Variants in PPEF1 observed in about 807,000 individuals in gnomAD.
PPEF1 encodes serine/threonine-protein phosphatase with EF-hands 1.
In PPEF1, 12 loss-of-function variants were observed where a neutral mutation model predicts 53.3. That is an observed-to-expected ratio of 0.23 (90% CI 0.14 to 0.36). The LOEUF (loss-of-function observed/expected upper bound fraction) is 0.36, where lower values mean the gene tolerates loss of function less well. PPEF1 is among the 10% of genes least tolerant of loss of function. The pLI, the probability that PPEF1 is intolerant of heterozygous loss-of-function variation, is 1.00. For missense variants in PPEF1, 334 were observed against 490.4 expected (o/e 0.68, Z 3.01); for synonymous variants, 165 against 176.7 (o/e 0.93, Z 0.52).
intron 4 of PPEF1, among the ~76,000 whole-genome samples, chrX:18,753,619 G>A (rs1385313574): frequency 1.8e-5 from 2 of 111,662 alleles, no homozygotes; most frequent in South Asian, 7.3e-4. Flanking sequence ...TGCTTTTGCT[G>A]TATCCCATAA....
At chrX:18,686,034 G>C (rs1157940723) in intron 2 of PPEF1, 1 of 111,778 alleles carries the variant, frequency 8.9e-6, no homozygotes, top group Non-Finnish European at 1.9e-5. Flanking sequence ...ATATGGTGCT[G>C]GATTATAGAT....
chrX:18,809,444 G>A (rs951716884), intron 12 of PPEF1, among the ~76,000 whole-genome samples: 26 of 110,714 alleles, frequency 2.3e-4, no homozygotes, highest in African/African-American at 8.5e-4. Context: ...AGTGGCTCAC[G>A]CTTGTAGTCC....
chrX:18,701,102 A>G (rs1212178825), intron 6 of PPEF1, among the ~76,000 whole-genome samples: 1 of 112,261 alleles, frequency 8.9e-6, no homozygotes, highest in African/African-American at 3.2e-5. Flanking sequence ...CTACCTTGAA[A>G]GTTTGCTGTG....
chrX:18,796,287 G>A (rs1006228175), intron 10 of PPEF1, among the ~76,000 whole-genome samples: 1 of 112,424 alleles, frequency 8.9e-6, no homozygotes, highest in African/African-American at 3.2e-5. Context: ...TCTTACATGG[G>A]AATGTTATGA....
chrX:18,715,135 G>A (rs1288387136), intron 1 of PPEF1, among the ~76,000 whole-genome samples: 3 of 111,889 alleles, frequency 2.7e-5, no homozygotes, highest in Admixed American at 1.9e-4. Flanking sequence ...CACTTTGAGA[G>A]GCGGGTGAAT....
chrX:18,700,672 G>T (rs1930048649), intron 6 of PPEF1, among the ~76,000 whole-genome samples: 1 of 111,779 alleles, frequency 8.9e-6, no homozygotes, highest in South Asian at 3.7e-4. Context: ...AAATGAACTT[G>T]ATATTTGGAA....
chrX:18,795,299 G>A (rs1264643756), intron 10 of PPEF1, among the ~76,000 whole-genome samples: 1 of 112,184 alleles, frequency 8.9e-6, no homozygotes, highest in African/African-American at 3.2e-5. Flanking sequence ...GACAGAGTGG[G>A]ACCCTGTCTT....
At chrX:18,732,044 G>T (rs1442218891) in intron 2 of PPEF1, among the ~76,000 whole-genome samples, 1 of 112,260 alleles carries the variant, frequency 8.9e-6, no homozygotes, top group Non-Finnish European at 1.9e-5. Context: ...GTGCCACCAC[G>T]CCCAGCTAAT....
At chrX:18,734,263 T>G (rs1252945965) in intron 3 of PPEF1, among the ~76,000 whole-genome samples, 1 of 103,882 alleles carries the variant, frequency 9.6e-6, no homozygotes, top group African/African-American at 3.5e-5. Flanking sequence ...GTACTCCTAA[T>G]GCTATCCCTC....
chrX:18,826,192 T>A (rs769176551), intron 15 of PPEF1, among the ~76,000 whole-genome samples: 33 of 111,167 alleles, frequency 3.0e-4, no homozygotes, highest in African/African-American at 1.1e-3. Context: ...TTTAATATTA[T>A]TGTTATTTCA....
chrX:18,713,590 C>T lies in PPEF1; in HGVS notation c.46+5764C>T, dbSNP rs114688315. On this transcript the variant is annotated intron_variant, in intron 1 of 15. Transcript: ENST00000470157. ...TTCATAATAATAAATCTGCTGAAAG[C>T]TGATGCAGTGATGTTTACTTATATT... Among the ~76,000 whole-genome samples the T allele has an allele frequency of 4.2e-3, 465 of 110,462 alleles. 3 individuals carry two copies. Among genetic ancestry groups the T allele is most frequent in the African/African-American group, 0.015 (448 of 30,437 alleles).
rs67423941 is a variant in PPEF1, at chrX:18,690,358, G to GT, written c.-425-604dup. Among the ~76,000 whole-genome samples the GT allele has an allele frequency of 6.4e-3, 454 of 71,161 alleles. 2 individuals carry two copies. The highest frequency in any genetic ancestry group is 0.015 in the Middle Eastern group (2 of 131). The allele number at this position is 71,161 out of a possible 115,157, so 61.8% of individuals were successfully genotyped here. A position where few individuals can be genotyped will look rare whatever the true frequency, so the allele number is the denominator to read the frequency against. On this transcript the variant is annotated intron_variant, in intron 3 of 21. Coordinates refer to the PPEF1 transcript ENST00000361511. ...AAGCCCTGGATATTTTCTAGGACTTGTTTTTTTTTTTTTTTTTTTTGGCGG... is the reference window on the plus strand; with the variant it reads ...AAGCCCTGGATATTTTCTAGGACTTGTTTTTTTTTTTTTTTTTTTTTGGCGG...
intron 9 of PPEF1, among the ~76,000 whole-genome samples, chrX:18,786,968 C>A (rs113405157): frequency 0.027 from 2,966 of 110,614 alleles, 115 homozygotes; most frequent in African/African-American, 0.092. Context: ...AAGTTTCACC[C>A]CCTTCAGGGA....
rs1234703888 is a variant in PPEF1 at position 18,692,970 on chromosome X, G to A, written c.-313+1876G>A. Among the ~76,000 whole-genome samples, 3 of 111,902 alleles carry A rather than the reference G, an allele frequency of 2.7e-5. No individual in the cohort carries two copies. In the East Asian group the frequency reaches 8.4e-4, roughly 31 times the overall value. On this transcript the variant is annotated intron_variant, in intron 4 of 21. Transcript: ENST00000361511. ...TCTCTTATTGGTACATAAAACAGCA[G>A]TGTACCCTGTAATCAGTGGCTTCAT... is the stretch of plus-strand genomic sequence containing the variant.
chrX:18,708,916 T>C (rs1023981057), intron 1 of PPEF1, among the ~76,000 whole-genome samples: 1 of 110,938 alleles, frequency 9.0e-6, no homozygotes, highest in Non-Finnish European at 1.9e-5. Flanking sequence ...ATATCTAGGA[T>C]TACTCACAGT....
At chrX:18,676,361 ACCCCCGC>A (rs1471225918) in intron 1 of PPEF1, among the ~76,000 whole-genome samples, 1 of 103,652 alleles carries the variant, frequency 9.6e-6, no homozygotes, top group Non-Finnish European at 2.0e-5. Flanking sequence ...CCACACACAC[ACCCCCGC>A]CCCCCGCCCA....
At chrX:18,738,346 C>G (rs1312949981) in intron 3 of PPEF1, among the ~76,000 whole-genome samples, 2 of 111,275 alleles carry the variant, frequency 1.8e-5, no homozygotes, top group Non-Finnish European at 3.8e-5. Context: ...TCAGCATTTG[C>G]TTGTCTTTAA....
At chrX:18,733,880 C>A in intron 3 of PPEF1, 72 bp downstream of exon 3, 1 of 859,973 alleles carries the variant, frequency 1.2e-6, no homozygotes. Context: ...GCGGTAAATT[C>A]TGAAGATGGG....
intron 9 of PPEF1, among the ~76,000 whole-genome samples, chrX:18,786,126 A>G (rs1354455539): frequency 8.9e-6 from 1 of 112,332 alleles, no homozygotes; most frequent in Non-Finnish European, 1.9e-5. Flanking sequence ...CCCTATGACT[A>G]CAGTGCTAAT....
Sources: gnomAD v4.1 joint callset for allele counts (sites outside exome capture counted in the v4.1 genomes callset) on GRCh38, gnomAD v4.1.1 for gene constraint, MANE v1.5 for transcripts, NCBI Gene and HGNC (gene_info 2026-07-23, HGNC 2026-07-21) for gene names.